Variants in CLDN16 observed in about 807,000 individuals in gnomAD.
The protein encoded by CLDN16 is claudin 16.
Under a neutral mutation model 24.6 loss-of-function variants are expected in CLDN16, and 13 were observed. That is an observed-to-expected ratio of 0.53 (90% CI 0.34 to 0.84). The LOEUF (loss-of-function observed/expected upper bound fraction) is 0.84, where lower values mean the gene tolerates loss of function less well. Ranked by LOEUF, CLDN16 falls within the 40% of genes least tolerant of loss-of-function variation. The probability of loss-of-function intolerance (pLI) is 0.01; values close to 1 mark genes in which losing one functional copy is unlikely to be tolerated. For synonymous variants in CLDN16, 116 were observed against 106.7 expected (o/e 1.09, Z -0.54); for missense variants, 298 against 292.7 (o/e 1.02, Z -0.13).
At chr3:190,297,044 T>C in the CLDN16 span, among the ~76,000 whole-genome samples, 12 of 152,180 alleles carry the variant, frequency 7.9e-5, no homozygotes, top group East Asian at 1.9e-3. Context: ...CATCTCTTTA[T>C]ACCATTTCTG....
At chr3:190,371,921 T>C (rs1718151141) in intron 2 of CLDN16, among the ~76,000 whole-genome samples, 1 of 151,954 alleles carries the variant, frequency 6.6e-6, no homozygotes, top group African/African-American at 2.4e-5. Flanking sequence ...AACATCTACC[T>C]GGCTGGGCTG....
chr3:190,344,919 A>G (rs1717519683), intron 1 of CLDN16, among the ~76,000 whole-genome samples: 1 of 152,144 alleles, frequency 6.6e-6, no homozygotes, highest in African/African-American at 2.4e-5. Context: ...AGAGGAAATA[A>G]TTCTATTTAC....
At chr3:190,328,507 G>A (rs2108621383) in intron 1 of CLDN16, among the ~76,000 whole-genome samples, 1 of 152,222 alleles carries the variant, frequency 6.6e-6, no homozygotes, top group Admixed American at 6.5e-5. Context: ...GCTAAATCCT[G>A]TATCTGGAAC....
At chr3:190,357,818 A>C (rs1717808588) in intron 1 of CLDN16, among the ~76,000 whole-genome samples, 1 of 151,976 alleles carries the variant, frequency 6.6e-6, no homozygotes, top group Non-Finnish European at 1.5e-5. Flanking sequence ...TTGGGTCTGT[A>C]TCGGTTACAT....
chr3:190,361,486 C>A (rs1717886779), intron 1 of CLDN16, among the ~76,000 whole-genome samples: 1 of 151,940 alleles, frequency 6.6e-6, no homozygotes, highest in Non-Finnish European at 1.5e-5. Flanking sequence ...TGAAAAGACT[C>A]CCTTCTTGAC....
intron 2 of CLDN16, among the ~76,000 whole-genome samples, chr3:190,373,871 A>G (rs1442676127): frequency 6.6e-6 from 1 of 151,466 alleles, no homozygotes; most frequent in Non-Finnish European, 1.5e-5. Flanking sequence ...ACAGATCAGT[A>G]TTGTTTTGGT....
chr3:190,356,589 C>G (rs1717779372), intron 1 of CLDN16, among the ~76,000 whole-genome samples: 1 of 151,758 alleles, frequency 6.6e-6, no homozygotes, highest in African/African-American at 2.4e-5. Context: ...GTTATTCATA[C>G]TAAAACATAT....
At chr3:190,305,589 GC>G in the CLDN16 span, 1 of 152,108 alleles carries the variant, frequency 6.6e-6, no homozygotes, top group African/African-American at 2.4e-5. Context: ...TGATAGATGG[GC>G]CAGAGGCATC....
chr3:190,335,023 C>CTTTTTTTTTTTTTTTTTT (rs57744577), intron 1 of CLDN16, among the ~76,000 whole-genome samples: 3 of 134,390 alleles, frequency 2.2e-5, no homozygotes, highest in South Asian at 2.4e-4. Context: ...TTTCTTTTTT[C>CTTTTTTTTTTTTTTTTTT]TTTTTTTTTT....
intron 1 of CLDN16, among the ~76,000 whole-genome samples, chr3:190,335,821 G>A (rs2108626166): frequency 6.6e-6 from 1 of 152,050 alleles, no homozygotes; most frequent in South Asian, 2.1e-4. Flanking sequence ...CTTCTAGGGA[G>A]CTCAATATAA....
At chr3:190,351,113 C>A (rs1717663946) in intron 1 of CLDN16, among the ~76,000 whole-genome samples, 1 of 151,454 alleles carries the variant, frequency 6.6e-6, no homozygotes, top group Admixed American at 6.6e-5. Flanking sequence ...TGTGCACTCC[C>A]CCCCACCCCC....
chr3:190,293,359 G>A, the CLDN16 span, among the ~76,000 whole-genome samples: 1 of 152,140 alleles, frequency 6.6e-6, no homozygotes, highest in African/African-American at 2.4e-5. Context: ...TATTTGGGTG[G>A]GAACACAAAG....
upstream of CLDN16, among the ~76,000 whole-genome samples, chr3:190,319,551 A>G (rs1716861529): frequency 6.6e-6 from 1 of 152,160 alleles, no homozygotes; most frequent in Non-Finnish European, 1.5e-5. Context: ...TTTATGACCT[A>G]CCCTACATAA....
At chr3:190,378,776 T>G (rs779396877) in intron 3 of CLDN16, among the ~76,000 whole-genome samples, 9 of 152,052 alleles carry the variant, frequency 5.9e-5, no homozygotes, top group Non-Finnish European at 1.2e-4. Flanking sequence ...TAATTTCCAC[T>G]GGACGTTTGC....
At chr3:190,310,258 A>G in the CLDN16 span, 1 of 1,611,620 alleles carries the variant, frequency 6.2e-7, no homozygotes, top group Non-Finnish European at 8.5e-7. Context: ...CCAGACCTAT[A>G]GAAATTCAAA....
In CLDN16 at chr3:190,388,389, G is replaced by T. The variant is rs759868163; in HGVS notation, c.60G>T (p.Leu20Phe). The T allele has an allele frequency of 5.0e-6, 8 of 1,613,822 alleles. No homozygotes were observed. The highest frequency in any genetic ancestry group is 2.2e-5 in the South Asian group (2 of 91,058). ...TTGCCTTTTTCTCTGCTGGGTTTTT[G>T]ATTGTGGCCACCTGGACTGACTGTT... ...CFFAFFSAGF[L>F]IVATWTDCWM... The change falls in exon 1 of 5, where the codon TTG (leucine) becomes TTT (phenylalanine). Residue 20 changes from leucine to phenylalanine, a missense_variant. Physicochemically the swap from Leu to Phe is conservative, Grantham distance 22. Coordinates refer to ENST00000264734, the MANE Select transcript of CLDN16 (RefSeq NM_006580.4).
At chr3:190,399,629 G>A (rs748427844) in intron 1 of CLDN16, among the ~76,000 whole-genome samples, 1 of 152,116 alleles carries the variant, frequency 6.6e-6, no homozygotes, top group Non-Finnish European at 1.5e-5. Context: ...ATCCCATTAG[G>A]GTAATTAGCA....
Position 190,335,978 on chromosome 3 carries a change from A to G in CLDN16, n.121+13317A>G, listed in dbSNP as rs541758136. Among the ~76,000 whole-genome samples, 3 of 152,324 alleles carry G rather than the reference A, an allele frequency of 2.0e-5. No homozygotes were observed. In the East Asian group the frequency reaches 5.8e-4, roughly 29 times the overall value. On this transcript the variant is annotated intron_variant and non_coding_transcript_variant, in intron 1 of 4. Coordinates refer to the CLDN16 transcript ENST00000468220. ...ATAGTTTCTTGAATGTTCTAACAGTACAATTGCTAAAGTGTTGGAGATGCC... is the reference window on the plus strand; with the variant it reads ...ATAGTTTCTTGAATGTTCTAACAGTGCAATTGCTAAAGTGTTGGAGATGCC...
the CLDN16 span, among the ~76,000 whole-genome samples, chr3:190,298,650 T>A: frequency 6.6e-6 from 1 of 152,148 alleles, no homozygotes; most frequent in East Asian, 1.9e-4. Context: ...AAACAGGGTT[T>A]CTCCATGTTT....
Sources: gnomAD v4.1 joint callset for allele counts (sites outside exome capture counted in the v4.1 genomes callset) on GRCh38, gnomAD v4.1.1 for gene constraint, MANE v1.5 for transcripts, NCBI Gene and HGNC (gene_info 2026-07-23, HGNC 2026-07-21) for gene names.